Variants in VPS13A observed in about 807,000 individuals in gnomAD.
VPS13A encodes the protein intermembrane lipid transfer protein VPS13A.
In VPS13A, 264 loss-of-function variants were observed where a neutral mutation model predicts 390.9. The observed-to-expected ratio is 0.68, with a 90% CI of 0.61 to 0.75. The LOEUF is 0.75. Among genes scored for constraint, VPS13A ranks in the 30% least tolerant of loss-of-function variants. The pLI is 0.00. For missense variants in VPS13A, 3,409 were observed against 3,733.9 expected, an observed-to-expected ratio of 0.91 and a Z score of 2.27; for synonymous variants, 1,231 against 1,227.1, an observed-to-expected ratio of 1.00 and a Z score of -0.07.
chr9:77,231,047 T>C (rs949963497), intron 17 of VPS13A, among the ~76,000 whole-genome samples: 3 of 152,214 alleles, frequency 2.0e-5, no homozygotes, highest in African/African-American at 7.2e-5. Flanking sequence ...ATTATGTGTA[T>C]AGAAATACAA....
chr9:77,411,599 C>A (rs1385188575), intron 71 of VPS13A, among the ~76,000 whole-genome samples: 2 of 133,222 alleles, frequency 1.5e-5, no homozygotes, highest in Admixed American at 9.0e-5. Context: ...GGAGGCGGAG[C>A]TTGCAATCAG....
intron 68 of VPS13A, among the ~76,000 whole-genome samples, chr9:77,391,104 T>C (rs1833879925): frequency 7.2e-6 from 1 of 138,986 alleles, no homozygotes; most frequent in Non-Finnish European, 1.6e-5. Flanking sequence ...CTAGAAGGTC[T>C]TCAGCCTTAA....
intron 26 of VPS13A, among the ~76,000 whole-genome samples, chr9:77,277,903 CAT>C (rs1329870607): frequency 3.3e-5 from 5 of 152,054 alleles, no homozygotes; most frequent in South Asian, 2.1e-4. Context: ...TTTGTGTAGA[CAT>C]AAATTTTCAG....
chr9:77,219,231 C>G (rs1029125604), intron 10 of VPS13A, among the ~76,000 whole-genome samples: 1 of 151,536 alleles, frequency 6.6e-6, no homozygotes, highest in Non-Finnish European at 1.5e-5. Flanking sequence ...TATTTATATT[C>G]AAATGAACAT....
intron 7 of VPS13A, 112 bp downstream of exon 7, chr9:77,210,787 G>A: frequency 9.4e-7 from 1 of 1,062,764 alleles, no homozygotes; most frequent in East Asian, 2.4e-5. Context: ...TAGAACGGGT[G>A]CACAAAGGGT....
rs897111389 is a variant in VPS13A at position 77,328,218 on chromosome 9, G to C, written c.5992-3792G>C. ...TGACAATGTGCATGGCCAATGAGCA[G>C]TAGCATTTTGAAAGGATTTTTTTTC... On this transcript the variant is annotated intron_variant, in intron 45 of 71. Coordinates refer to ENST00000360280, the MANE Select transcript of VPS13A (RefSeq NM_033305.3). Among the ~76,000 whole-genome samples, 4 of 152,164 alleles carry C rather than the reference G, an allele frequency of 2.6e-5. No homozygotes were observed. The South Asian group carries it at 8.3e-4, about 31-fold the overall frequency.
intron 20 of VPS13A, 85 bp downstream of exon 20, chr9:77,247,480 A>G (rs956139763): frequency 1.1e-5 from 15 of 1,365,876 alleles, no homozygotes; most frequent in African/African-American, 1.5e-5. Flanking sequence ...AAACAGTTTG[A>G]TTTATTGCTT....
intron 69 of VPS13A, among the ~76,000 whole-genome samples, chr9:77,404,811 C>T (rs1177540951): frequency 6.6e-6 from 1 of 152,098 alleles, no homozygotes; most frequent in African/African-American, 2.4e-5. Context: ...CTACATTGGC[C>T]AGCCTGTCTG....
intron 35 of VPS13A, among the ~76,000 whole-genome samples, chr9:77,308,745 G>A (rs2131411374): frequency 6.6e-6 from 1 of 152,246 alleles, no homozygotes; most frequent in African/African-American, 2.4e-5. Context: ...TAAGCATAAA[G>A]TTCTCATTCT....
rs1174552202 is a variant in VPS13A at position 77,340,168 on chromosome 9, T to A, written c.6775-10T>A. The A allele has an allele frequency of 1.2e-6, 2 of 1,610,520 alleles. No individual in the cohort carries two copies. Among genetic ancestry groups the A allele is most frequent in the African/African-American group, 1.3e-5 (1 of 74,850 alleles). Reference sequence around the variant, plus strand: ...TAAATTGTGATGTATTTGGAATATTTTTTTCCTAGGTTCAACTTATGGTAA... The same window carrying A: ...TAAATTGTGATGTATTTGGAATATTATTTTCCTAGGTTCAACTTATGGTAA... On this transcript the variant is annotated splice_polypyrimidine_tract_variant and intron_variant, in intron 48 of 71. Transcript: ENST00000360280.
chr9:77,225,627 A>G (rs1823465028), intron 13 of VPS13A, among the ~76,000 whole-genome samples: 1 of 152,218 alleles, frequency 6.6e-6, no homozygotes, highest in Non-Finnish European at 1.5e-5. Flanking sequence ...ATCATTTTAA[A>G]CAATGCATGT....
chr9:77,330,187 T>C (rs1490272824), intron 45 of VPS13A, among the ~76,000 whole-genome samples: 1 of 129,720 alleles, frequency 7.7e-6, no homozygotes, highest in African/African-American at 2.7e-5. Context: ...GGCTAATCTT[T>C]TAATATTTTG....
At chr9:77,231,613 G>T (rs544418058) in intron 17 of VPS13A, among the ~76,000 whole-genome samples, 35 of 151,960 alleles carry the variant, frequency 2.3e-4, no homozygotes, top group African/African-American at 7.2e-4. Flanking sequence ...TTTTTCATTT[G>T]TTGTTGAGGT....
intron 52 of VPS13A, among the ~76,000 whole-genome samples, chr9:77,348,623 G>GA (rs1323949420): frequency 0.014 from 1,962 of 144,060 alleles, 46 homozygotes; most frequent in African/African-American, 0.046. Context: ...TTAAATTTAG[G>GA]AAAAAAAAAA....
In VPS13A at chr9:77,318,320, C is replaced by T. The variant is rs146452083; in HGVS notation, c.5042C>T (p.Ser1681Phe). 7.4e-6 allele frequency: 12 copies of T among 1,612,242 alleles called. No individual in the cohort carries two copies. In the African/African-American group the frequency reaches 1.2e-4, roughly 16 times the overall value. Residue 1681 changes from serine to phenylalanine, a missense_variant, in exon 41 of 72, where the codon TCT (serine) becomes TTT (phenylalanine). By Grantham distance (155) the Ser-to-Phe change is radical (BLOSUM62 -2). Coordinates refer to ENST00000360280, the MANE Select transcript of VPS13A (RefSeq NM_033305.3). The stretch of plus-strand genomic sequence containing the variant: ...GAAACCATCCCAGAAGAAACGGCTT[C>T]TTCTACTGCACATTTATGGGAAAAG... ...TKETIPEETA[S>F]STAHLWEKKD...
At chr9:77,316,523 C>T in intron 39 of VPS13A, 117 bp downstream of exon 39, 1 of 842,870 alleles carries the variant, frequency 1.2e-6, no homozygotes, top group East Asian at 2.7e-5. Flanking sequence ...AAATGTCTTT[C>T]TCTCTGCTTA....
chr9:77,358,321 A>G (rs749726291), intron 56 of VPS13A, 36 bp from the exon 57 acceptor site: 2 of 1,494,114 alleles, frequency 1.3e-6, no homozygotes, highest in Admixed American at 1.7e-5. Flanking sequence ...TGTATAATTG[A>G]CATATTAATA....
chr9:77,398,992 G>A (rs1046653074), intron 68 of VPS13A, among the ~76,000 whole-genome samples: 3 of 107,340 alleles, frequency 2.8e-5, no homozygotes, highest in African/African-American at 1.1e-4. Flanking sequence ...ACAGGAAGGG[G>A]AATATCACAC....
intron 34 of VPS13A, among the ~76,000 whole-genome samples, chr9:77,304,926 A>ATTTCAGACTT (rs1056434805): frequency 6.7e-6 from 1 of 150,166 alleles, no homozygotes; most frequent in African/African-American, 2.4e-5. Context: ...CATTTTAGAG[A>ATTTCAGACTT]TTTCAGACTT....
Sources: allele counts gnomAD v4.1 joint callset (sites outside exome capture counted in the v4.1 genomes callset), GRCh38; gene constraint gnomAD v4.1.1; transcripts MANE v1.5; gene names NCBI Gene and HGNC (gene_info 2026-07-23, HGNC 2026-07-21).